GMDS: variants seen among roughly 807,000 people sequenced by gnomAD.
The protein encoded by GMDS is GDP-mannose 4,6 dehydratase.
A neutral mutation model predicts 49.9 loss-of-function variants in GMDS; 20 were observed. That is an observed-to-expected ratio of 0.40 (90% CI 0.28 to 0.58). GMDS has a LOEUF of 0.58. Ranked by LOEUF, GMDS falls within the 20% of genes least tolerant of loss-of-function variation. The probability of loss-of-function intolerance (pLI) is 0.42; values close to 1 mark genes in which losing one functional copy is unlikely to be tolerated. For missense variants in GMDS, 362 were observed against 481.4 expected (o/e 0.75, Z 2.32); for synonymous variants, 177 against 178.6 (o/e 0.99, Z 0.07).
At chr6:2,081,694 A>G (rs776899489) in intron 4 of GMDS, among the ~76,000 whole-genome samples, 1 of 152,164 alleles carries the variant, frequency 6.6e-6, no homozygotes, top group Non-Finnish European at 1.5e-5. Context: ...TTGCTTTTGT[A>G]GGCCTCCTTA....
At chr6:1,742,836 C>T (rs1304985278) in intron 7 of GMDS, among the ~76,000 whole-genome samples, 5 of 152,198 alleles carry the variant, frequency 3.3e-5, no homozygotes, top group Non-Finnish European at 7.4e-5. Flanking sequence ...GATTCTCTCT[C>T]AGAATATTTA....
At chr6:1,721,328 C>T (rs1299219408) in intron 9 of GMDS, among the ~76,000 whole-genome samples, 1 of 151,926 alleles carries the variant, frequency 6.6e-6, no homozygotes, top group Non-Finnish European at 1.5e-5. Flanking sequence ...TAGGTTTTAA[C>T]CTATGATTTT....
At chr6:1,704,796 T>A (rs1765672897) in intron 9 of GMDS, among the ~76,000 whole-genome samples, 1 of 151,902 alleles carries the variant, frequency 6.6e-6, no homozygotes, top group Non-Finnish European at 1.5e-5. Flanking sequence ...GCTTTGTGGA[T>A]TAATATTAAG....
At chr6:2,222,921 G>C (rs1032903887) in intron 1 of GMDS, among the ~76,000 whole-genome samples, 6 of 152,096 alleles carry the variant, frequency 3.9e-5, no homozygotes, top group African/African-American at 1.4e-4. Flanking sequence ...CCTACAATGT[G>C]AGTGGGCTTC....
intron 7 of GMDS, among the ~76,000 whole-genome samples, chr6:1,825,237 T>C (rs961340329): frequency 6.6e-6 from 1 of 152,298 alleles, no homozygotes; most frequent in South Asian, 2.1e-4. Flanking sequence ...TTGTATAGCA[T>C]CCTTCAAAAC....
At chr6:2,004,143 G>C (rs997989008) in intron 4 of GMDS, among the ~76,000 whole-genome samples, 8 of 152,304 alleles carry the variant, frequency 5.3e-5, no homozygotes, top group African/African-American at 1.9e-4. Context: ...ATTTATTCAA[G>C]CTTTTAGAGT....
At chr6:2,190,732 T>G (rs1778975622) in intron 1 of GMDS, among the ~76,000 whole-genome samples, 1 of 152,206 alleles carries the variant, frequency 6.6e-6, no homozygotes, top group African/African-American at 2.4e-5. Context: ...TCACTGCCTA[T>G]CACAAAGAAG....
intron 7 of GMDS, among the ~76,000 whole-genome samples, chr6:1,885,330 T>G (rs1481490520): frequency 6.6e-6 from 1 of 152,206 alleles, no homozygotes; most frequent in Non-Finnish European, 1.5e-5. Context: ...TTAGAATAAG[T>G]GGATTCTCCC....
At chr6:2,168,887 A>G (rs147263076) in intron 1 of GMDS, among the ~76,000 whole-genome samples, 168 of 152,366 alleles carry the variant, frequency 1.1e-3, no homozygotes, top group African/African-American at 3.4e-3. Context: ...CAGCCAACAA[A>G]GAACAAAAAA....
intron 9 of GMDS, among the ~76,000 whole-genome samples, chr6:1,634,689 G>T (rs890299219): frequency 6.6e-6 from 1 of 152,130 alleles, no homozygotes; most frequent in South Asian, 2.1e-4. Flanking sequence ...CATATGCTGC[G>T]ATGCATGAGT....
At chr6:1,753,543 A>C (rs1767820647) in intron 7 of GMDS, among the ~76,000 whole-genome samples, 1 of 152,232 alleles carries the variant, frequency 6.6e-6, no homozygotes, top group Non-Finnish European at 1.5e-5. Flanking sequence ...CGGATCTAAT[A>C]GACAGCTACA....
At chr6:2,242,729 G>C (rs1477202123) in intron 1 of GMDS, among the ~76,000 whole-genome samples, 1 of 152,216 alleles carries the variant, frequency 6.6e-6, no homozygotes, top group African/African-American at 2.4e-5. Context: ...ACACTCATTA[G>C]ATGTACGACC....
chr6:1,731,301 A>C (rs1245820479), intron 8 of GMDS, among the ~76,000 whole-genome samples: 1 of 152,234 alleles, frequency 6.6e-6, no homozygotes, highest in Non-Finnish European at 1.5e-5. Flanking sequence ...GAAAAAATGG[A>C]GCAGAGCAAA....
intron 1 of GMDS, among the ~76,000 whole-genome samples, chr6:2,154,999 A>T (rs1010477211): frequency 1.3e-5 from 2 of 152,060 alleles, no homozygotes; most frequent in African/African-American, 4.8e-5. Flanking sequence ...CTAATATTCA[A>T]CCTTTAAAGA....
chr6:1,924,381 G>C (rs1479614247), intron 7 of GMDS, among the ~76,000 whole-genome samples: 1 of 152,178 alleles, frequency 6.6e-6, no homozygotes, highest in African/African-American at 2.4e-5. Flanking sequence ...TGTGGGATTA[G>C]CTGTAGCAGG....
intron 9 of GMDS, among the ~76,000 whole-genome samples, chr6:1,651,000 C>T (rs1022570443): frequency 1.3e-5 from 2 of 152,208 alleles, no homozygotes; most frequent in African/African-American, 4.8e-5. Flanking sequence ...GCAACCCTGC[C>T]ATGTCCCCTG....
At chr6:1,718,145 T>C (rs903245607) in intron 9 of GMDS, among the ~76,000 whole-genome samples, 17 of 152,022 alleles carry the variant, frequency 1.1e-4, no homozygotes, top group African/African-American at 3.9e-4. Context: ...ACACTCTTTT[T>C]CCCCCCTAGA....
chr6:1,772,342 A>C (rs139364924), intron 7 of GMDS, among the ~76,000 whole-genome samples: 1 of 152,230 alleles, frequency 6.6e-6, no homozygotes, highest in Non-Finnish European at 1.5e-5. Context: ...TCTGATGCAC[A>C]TAATTTCCTG....
intron 5 of GMDS, 83 bp from the exon 6 acceptor site, chr6:1,960,054 C>T (rs1385773505): frequency 8.2e-6 from 6 of 734,924 alleles, no homozygotes; most frequent in African/African-American, 3.6e-5. Flanking sequence ...ACATCTTGGC[C>T]GAAATAATAA....
Sources: gnomAD v4.1 joint callset for allele counts (sites outside exome capture counted in the v4.1 genomes callset) on GRCh38, gnomAD v4.1.1 for gene constraint, MANE v1.5 for transcripts, NCBI Gene and HGNC (gene_info 2026-07-23, HGNC 2026-07-21) for gene names.